The following PARVB variants were observed in gnomAD, a reference collection of about 807,000 sequenced individuals.
PARVB encodes beta-parvin.
PARVB carries 46 observed loss-of-function variants against 47.0 expected under a neutral mutation model. That is an observed-to-expected ratio of 0.98 (90% CI 0.77 to 1.25). The LOEUF (loss-of-function observed/expected upper bound fraction) is 1.25. Among genes scored for constraint, PARVB ranks in the 50% most tolerant of loss-of-function variants. The pLI is 0.00. For synonymous variants in PARVB, 196 were observed against 196.3 expected, an observed-to-expected ratio of 1.00 and a Z score of 0.01; for missense variants, 473 against 471.6, an observed-to-expected ratio of 1.00 and a Z score of -0.03.
intron 8 of PARVB, chr22:44,144,861 A>G (rs1266214463): frequency 6.6e-6 from 1 of 152,226 alleles, no homozygotes; most frequent in Non-Finnish European, 1.5e-5. Flanking sequence ...ACTCAAATCA[A>G]AACATTACAG....
chr22:44,052,489 T>G (rs1342320176), intron 1 of PARVB, among the ~76,000 whole-genome samples: 1 of 152,252 alleles, frequency 6.6e-6, no homozygotes, highest in African/African-American at 2.4e-5. Context: ...TGTTCTTCAT[T>G]GAGCAACTGC....
chr22:44,044,943 A>G (rs1355896954), intron 1 of PARVB, among the ~76,000 whole-genome samples: 3 of 152,192 alleles, frequency 2.0e-5, no homozygotes, highest in Non-Finnish European at 2.9e-5. Flanking sequence ...TTGCTACTCT[A>G]CTGTTCTTTC....
chr22:44,094,394 G>A (rs1207294986), intron 2 of PARVB, among the ~76,000 whole-genome samples: 1 of 152,044 alleles, frequency 6.6e-6, no homozygotes, highest in African/African-American at 2.4e-5. Context: ...GCCAAGCCAC[G>A]CCACACCATA....
chr22:44,131,433 C>T lies in PARVB; in HGVS notation c.377-54C>T, dbSNP rs574656013. Reference sequence around the variant, plus strand: ...CTGGGATTACAGGCATGAGCCACTGCGCCTGGCCCTTCCAGCTTTTTCTGA... The same window carrying T: ...CTGGGATTACAGGCATGAGCCACTGTGCCTGGCCCTTCCAGCTTTTTCTGA... On this transcript the variant is annotated intron_variant, in intron 4 of 12. Transcript: ENST00000338758. 6.4e-5 allele frequency: 102 copies of T among 1,592,486 alleles called. No homozygotes were observed. The Admixed American group carries it at 9.9e-4, about 15-fold the overall frequency.
upstream of PARVB, among the ~76,000 whole-genome samples, chr22:44,023,379 C>T (rs1257441694): frequency 2.6e-5 from 4 of 151,780 alleles, no homozygotes; most frequent in South Asian, 2.1e-4. Flanking sequence ...GTCGTGGTGG[C>T]GTGCACCTGT....
intron 1 of PARVB, chr22:44,031,646 C>T (rs754870903): frequency 3.3e-5 from 5 of 151,990 alleles, no homozygotes; most frequent in Non-Finnish European, 7.4e-5. Context: ...GGCAACCCCA[C>T]ACTCATCAAA....
intron 2 of PARVB, among the ~76,000 whole-genome samples, chr22:44,012,227 G>A (rs2050530735): frequency 6.6e-6 from 1 of 152,204 alleles, no homozygotes; most frequent in Admixed American, 6.5e-5. Flanking sequence ...AAACGCATAT[G>A]TGGTTTACTC....
rs1021578034 is a variant in PARVB, at chr22:44,125,664, A to G, written c.377-5823A>G. On this transcript the variant is annotated intron_variant, in intron 4 of 12. Coordinates refer to ENST00000338758, the MANE Select transcript of PARVB (RefSeq NM_013327.5). This position sits in a 1 kb window ranked among gnomAD's most constrained non-coding sequence, Gnocchi z 4.1. ...TGGCAGAGAGGGAGGGAGAGAGCCA[A>G]GAGATGAGGCTGGGGCCAGATCTCA... 2.0e-5 allele frequency among the ~76,000 whole-genome samples: 3 copies of G among 152,310 alleles called. No individual in the cohort carries two copies. The highest frequency in any genetic ancestry group is 6.8e-3 in the Middle Eastern group (2 of 294).
chr22:44,061,324 A>G (rs1218326327), intron 1 of PARVB, among the ~76,000 whole-genome samples: 4 of 152,036 alleles, frequency 2.6e-5, no homozygotes, highest in Admixed American at 1.3e-4. Flanking sequence ...CCACCTATTC[A>G]GGAGGCTGAG....
chr22:44,106,715 C>T (rs183810961), intron 3 of PARVB: 5 of 152,014 alleles, frequency 3.3e-5, no homozygotes, highest in African/African-American at 1.2e-4. Flanking sequence ...GATTGCTTGT[C>T]CTGTCTCCCC....
chr22:44,075,608 C>T (rs62226425), intron 1 of PARVB, among the ~76,000 whole-genome samples: 1 of 152,180 alleles, frequency 6.6e-6, no homozygotes, highest in Admixed American at 6.5e-5. Context: ...ATCCCTGTCT[C>T]CCTCTCACTC....
chr22:44,099,915 G>A (rs1010715605), intron 2 of PARVB, 138 bp from the exon 3 acceptor site: 10 of 682,344 alleles, frequency 1.5e-5, no homozygotes, highest in African/African-American at 3.6e-5. Context: ...TCCAGAAGGC[G>A]GTTCCTTGCA....
At position 44,158,086 on chromosome 22, in the gene PARVB, A is replaced by C; in HGVS notation, c.945+3A>C. 1 of 1,593,118 alleles carries C rather than the reference A, an allele frequency of 6.3e-7. No individual in the cohort carries two copies. Among genetic ancestry groups the C allele is most frequent in the Non-Finnish European group, 8.6e-7 (1 of 1,160,834 alleles). On this transcript the variant is annotated splice_donor_region_variant and intron_variant, in intron 11 of 12. Coordinates refer to ENST00000338758, the MANE Select transcript of PARVB (RefSeq NM_013327.5). ...CTCCGGAAAGCTTCGATCAGAAGGTATGTGCATGGTCTCCATCCTTGGTAG... is the reference window on the plus strand; with the variant it reads ...CTCCGGAAAGCTTCGATCAGAAGGTCTGTGCATGGTCTCCATCCTTGGTAG...
rs138898877 is a variant in PARVB at position 44,076,253 on chromosome 22, T to G, written c.113-17675T>G. The stretch of plus-strand genomic sequence containing the variant: ...GCTGAGTCGTGGACTCCATGGCCGC[T>G]GATTTGGGGGATGCCTGTCCTTGTA... On this transcript the variant is annotated intron_variant, in intron 1 of 12. Transcript: ENST00000338758. Among the ~76,000 whole-genome samples, 1,514 of 152,316 alleles carry G rather than the reference T, an allele frequency of 9.9e-3. 25 individuals carry two copies. Among genetic ancestry groups the G allele is most frequent in the African/African-American group, 0.035 (1,463 of 41,566 alleles).
At chr22:44,042,834 C>T (rs1375887845) in intron 1 of PARVB, among the ~76,000 whole-genome samples, 1 of 152,092 alleles carries the variant, frequency 6.6e-6, no homozygotes, top group Non-Finnish European at 1.5e-5. Context: ...TGTTACAGCT[C>T]TTAATTTTCT....
intron 1 of PARVB, among the ~76,000 whole-genome samples, chr22:44,028,638 T>C (rs1161172392): frequency 6.6e-6 from 1 of 152,204 alleles, no homozygotes; most frequent in African/African-American, 2.4e-5. Flanking sequence ...TGTGTGGAGA[T>C]AAGGTTTTAA....
chr22:44,138,569 T>C (rs936394573), intron 7 of PARVB, among the ~76,000 whole-genome samples: 6 of 152,156 alleles, frequency 3.9e-5, no homozygotes, highest in African/African-American at 1.2e-4. Flanking sequence ...ATTTGAATCA[T>C]TGGATGTCTG....
At chr22:44,042,360 G>A (rs1020461703) in intron 1 of PARVB, among the ~76,000 whole-genome samples, 3 of 152,218 alleles carry the variant, frequency 2.0e-5, no homozygotes, top group Non-Finnish European at 4.4e-5. Flanking sequence ...GGCGGAGGTT[G>A]CGGTGAGCCG....
At chr22:43,999,300 G>T in exon 1 of PARVB, 1 of 1,450,734 alleles carries the variant, frequency 6.9e-7, no homozygotes, top group Non-Finnish European at 9.4e-7. Context: ...CCTTTTTAAA[G>T]ACCAGATAAA....
Sources: gnomAD v4.1 joint callset for allele counts (sites outside exome capture counted in the v4.1 genomes callset) on GRCh38, gnomAD v4.1.1 for gene constraint, Gnocchi (gnomAD v3.1) non-coding constraint, MANE v1.5 for transcripts, NCBI Gene and HGNC (gene_info 2026-07-23, HGNC 2026-07-21) for gene names.